Variants in CDH18 observed in about 807,000 individuals in gnomAD.
CDH18 encodes cadherin 18.
A neutral mutation model predicts 67.9 loss-of-function variants in CDH18; 31 were observed. That is an observed-to-expected ratio of 0.46 (90% CI 0.34 to 0.62). The LOEUF (loss-of-function observed/expected upper bound fraction) is 0.62. Ranked by LOEUF, CDH18 falls within the 20% of genes least tolerant of loss-of-function variation. The pLI is 0.01. For missense variants in CDH18, 890 were observed against 975.5 expected (o/e 0.91, Z 1.17); for synonymous variants, 362 against 347.2 (o/e 1.04, Z -0.48).
chr5:20,473,265 G>C (rs1270892548), intron 1 of CDH18, among the ~76,000 whole-genome samples: 2 of 151,998 alleles, frequency 1.3e-5, no homozygotes, highest in African/African-American at 4.8e-5. Context: ...TAAAATAAAA[G>C]TTACTCGTGC....
At chr5:20,250,586 T>C (rs1268760644) in intron 2 of CDH18, among the ~76,000 whole-genome samples, 2 of 121,532 alleles carry the variant, frequency 1.6e-5, no homozygotes, top group Non-Finnish European at 1.6e-5. Context: ...CCACGGCCCA[T>C]GGCTTTTTTT....
At chr5:19,990,919 C>T (rs1799947631), upstream of CDH18, among the ~76,000 whole-genome samples, 1 of 152,156 alleles carries the variant, frequency 6.6e-6, no homozygotes, top group Admixed American at 6.5e-5. Flanking sequence ...GTGTATCAAT[C>T]ACCAGAATTT....
chr5:20,140,965 A>G (rs1274016014), intron 2 of CDH18, among the ~76,000 whole-genome samples: 1 of 152,114 alleles, frequency 6.6e-6, no homozygotes, highest in East Asian at 1.9e-4. Context: ...CAAAATTTGC[A>G]CATACTTGGA....
At chr5:19,636,495 G>A (rs1000069648) in intron 5 of CDH18, among the ~76,000 whole-genome samples, 1 of 151,788 alleles carries the variant, frequency 6.6e-6, no homozygotes, top group South Asian at 2.1e-4. Flanking sequence ...AATCTATTTT[G>A]AGTGTAAAAA....
At chr5:20,459,255 A>G (rs931629188) in intron 1 of CDH18, among the ~76,000 whole-genome samples, 1 of 152,194 alleles carries the variant, frequency 6.6e-6, no homozygotes, top group African/African-American at 2.4e-5. Flanking sequence ...GCTTTTCTAT[A>G]CCACAGGTTT....
intron 5 of CDH18, among the ~76,000 whole-genome samples, chr5:19,627,322 T>A (rs1463966616): frequency 6.6e-6 from 1 of 152,198 alleles, no homozygotes; most frequent in Non-Finnish European, 1.5e-5. Context: ...GATGAACAAG[T>A]GAAATTGAGA....
chr5:19,509,891 AT>A (rs759051627), intron 10 of CDH18, among the ~76,000 whole-genome samples: 9 of 150,322 alleles, frequency 6.0e-5, no homozygotes, highest in East Asian at 2.0e-4. Context: ...ATACTAAAAG[AT>A]TTTTTTTTTC....
At chr5:19,925,091 G>A (rs1410499158) in intron 2 of CDH18, among the ~76,000 whole-genome samples, 2 of 152,194 alleles carry the variant, frequency 1.3e-5, no homozygotes, top group East Asian at 1.9e-4. Flanking sequence ...CTGTATTCTT[G>A]CAATAAAGCT....
chr5:20,458,300 A>T (rs1750983483), intron 1 of CDH18, among the ~76,000 whole-genome samples: 2 of 152,108 alleles, frequency 1.3e-5, no homozygotes, highest in South Asian at 4.1e-4. Flanking sequence ...TACCATACTT[A>T]TATATGTAAT....
intron 6 of CDH18, among the ~76,000 whole-genome samples, chr5:19,604,155 A>G (rs930793256): frequency 5.3e-5 from 8 of 152,164 alleles, no homozygotes; most frequent in Non-Finnish European, 1.2e-4. Flanking sequence ...CCCTTTTAAT[A>G]TACTTTCTTT....
intron 9 of CDH18, among the ~76,000 whole-genome samples, chr5:19,537,370 T>G (rs1417380400): frequency 6.6e-6 from 1 of 151,900 alleles, no homozygotes; most frequent in Non-Finnish European, 1.5e-5. Context: ...CTGTTCCCCC[T>G]CTCTCTTTCT....
intron 1 of CDH18, among the ~76,000 whole-genome samples, chr5:20,358,036 T>C (rs1397839493): frequency 6.6e-6 from 1 of 152,136 alleles, no homozygotes; most frequent in Non-Finnish European, 1.5e-5. Context: ...CTAAGCAAAC[T>C]AGGGCAGAAA....
At chr5:19,946,005 G>C (rs375097154) in intron 2 of CDH18, among the ~76,000 whole-genome samples, 2 of 151,792 alleles carry the variant, frequency 1.3e-5, no homozygotes, top group East Asian at 3.9e-4. Flanking sequence ...ATCAAGAAAG[G>C]GAAAGAAGCT....
At chr5:20,279,799 A>T (rs549874359) in intron 1 of CDH18, among the ~76,000 whole-genome samples, 13 of 149,922 alleles carry the variant, frequency 8.7e-5, no homozygotes, top group Non-Finnish European at 1.0e-4. Flanking sequence ...CACTTTCAGG[A>T]TTGGACAGAT....
At chr5:19,972,824 C>T (rs1278766027) in intron 2 of CDH18, among the ~76,000 whole-genome samples, 2 of 151,868 alleles carry the variant, frequency 1.3e-5, no homozygotes, top group Non-Finnish European at 2.9e-5. Context: ...AAATACAAGA[C>T]TGTTCACAGT....
intron 2 of CDH18, among the ~76,000 whole-genome samples, chr5:20,094,985 A>T (rs1745765272): frequency 6.6e-6 from 1 of 152,140 alleles, no homozygotes; most frequent in Non-Finnish European, 1.5e-5. Flanking sequence ...CATAAAAAGA[A>T]TGAGTTCATA....
intron 3 of CDH18, among the ~76,000 whole-genome samples, chr5:19,755,472 C>G (rs1329577055): frequency 1.7e-5 from 1 of 58,802 alleles, no homozygotes; most frequent in Non-Finnish European, 4.6e-5. Context: ...CACACACACA[C>G]ACATACATAG....
At chr5:19,499,520 T>C (rs1742883627) in intron 11 of CDH18, among the ~76,000 whole-genome samples, 1 of 152,126 alleles carries the variant, frequency 6.6e-6, no homozygotes, top group African/African-American at 2.4e-5. Context: ...GTTCTCTATA[T>C]ATGTCAAAAC....
chr5:19,557,003 TTC>T (rs1167958833), intron 8 of CDH18, among the ~76,000 whole-genome samples: 1 of 152,118 alleles, frequency 6.6e-6, no homozygotes. Context: ...AACAAAACAC[TTC>T]TCAGTCAAGA....
Sources: gnomAD v4.1 joint callset for allele counts (sites outside exome capture counted in the v4.1 genomes callset) on GRCh38, gnomAD v4.1.1 for gene constraint, MANE v1.5 for transcripts, NCBI Gene and HGNC (gene_info 2026-07-23, HGNC 2026-07-21) for gene names.